The following TJP3 variants were observed in gnomAD, a reference collection of about 807,000 sequenced individuals.
TJP3 encodes the protein tight junction protein ZO-3.
TJP3 carries 85 observed loss-of-function variants against 104.2 expected under a neutral mutation model. That is an observed-to-expected ratio of 0.82 (90% CI 0.68 to 0.98). The LOEUF is 0.98. Ranked by LOEUF, TJP3 falls within the 50% of genes least tolerant of loss-of-function variation. The probability of loss-of-function intolerance (pLI) is 0.00; values close to 1 mark genes in which losing one functional copy is unlikely to be tolerated. For synonymous variants in TJP3, 550 were observed against 550.6 expected, an observed-to-expected ratio of 1.00 and a Z score of 0.02; for missense variants, 1,367 against 1,322.8, an observed-to-expected ratio of 1.03 and a Z score of -0.52.
At chr19:3,711,736 CAA>C (rs1450285054) in intron 1 of TJP3, among the ~76,000 whole-genome samples, 1 of 24,648 alleles carries the variant, frequency 4.1e-5, no homozygotes, top group Non-Finnish European at 8.9e-5. Context: ...ACTAAAAGTA[CAA>C]AAAAAAAAAA....
chr19:3,711,228 C>T (rs1174397868), intron 1 of TJP3, among the ~76,000 whole-genome samples: 1 of 58,620 alleles, frequency 1.7e-5, no homozygotes, highest in African/African-American at 5.9e-5. Context: ...GATGGAGTCT[C>T]GCTCTGTTGC....
At chr19:3,708,648 C>T (rs988204504) in intron 1 of TJP3, 87 bp downstream of exon 1, 1 of 152,288 alleles carries the variant, frequency 6.6e-6, no homozygotes, top group African/African-American at 2.4e-5. Flanking sequence ...AGACTCCCCC[C>T]CAACCTCCCC....
intron 6 of TJP3, among the ~76,000 whole-genome samples, chr19:3,732,756 CG>C (rs1472211290): frequency 6.6e-6 from 1 of 151,512 alleles, no homozygotes; most frequent in Admixed American, 6.6e-5. Flanking sequence ...TGATCCCCCC[CG>C]CTCGGCCTCC....
intron 1 of TJP3, 69 bp from the exon 2 acceptor site, chr19:3,728,355 T>C: frequency 6.2e-7 from 1 of 1,612,836 alleles, no homozygotes; most frequent in Non-Finnish European, 8.5e-7. Flanking sequence ...CACCCTGAGC[T>C]GGGGACCCCC....
At chr19:3,724,362 A>AT (rs1480985645) in intron 1 of TJP3, among the ~76,000 whole-genome samples, 1 of 151,824 alleles carries the variant, frequency 6.6e-6, no homozygotes, top group Non-Finnish European at 1.5e-5. Context: ...CGCCCTGCTA[A>AT]TTTTTTGTAT....
intron 15 of TJP3, among the ~76,000 whole-genome samples, chr19:3,744,536 T>C (rs553814801): frequency 3.9e-5 from 6 of 151,972 alleles, no homozygotes; most frequent in African/African-American, 1.4e-4. Context: ...TGGTGGCGCG[T>C]ACCTGTAGTC....
At chr19:3,734,786 C>G (rs2036717674) in intron 8 of TJP3, among the ~76,000 whole-genome samples, 1 of 152,128 alleles carries the variant, frequency 6.6e-6, no homozygotes, top group Admixed American at 6.5e-5. Context: ...GAAACCCTGT[C>G]TCTACTAAGA....
At chr19:3,721,982 G>C (rs1439788382) in intron 1 of TJP3, 3 of 924,798 alleles carry the variant, frequency 3.2e-6, no homozygotes, top group Admixed American at 8.6e-5. Flanking sequence ...GCAGGGTTTG[G>C]GAGTCGGACC....
At chr19:3,725,983 C>T (rs539776923) in intron 1 of TJP3, among the ~76,000 whole-genome samples, 2 of 152,338 alleles carry the variant, frequency 1.3e-5, no homozygotes, top group East Asian at 1.9e-4. Flanking sequence ...TTTCTCTCCC[C>T]TCCACCCGCC....
chr19:3,721,249 G>A lies in TJP3; in HGVS notation c.-9-7175G>A, dbSNP rs1020643824. 5.3e-5 allele frequency among the ~76,000 whole-genome samples: 8 copies of A among 152,084 alleles called. No individual in the cohort carries two copies. In the East Asian group the frequency reaches 1.2e-3, roughly 22 times the overall value. The stretch of plus-strand genomic sequence containing the variant: ...GATGCTGGGTGTGAAGACAGAGCCC[G>A]CAGGCCAAGACCGCAGGAAAAAGGC... On this transcript the variant is annotated intron_variant, in intron 1 of 20. Transcript: ENST00000541714.
At position 3,708,891 on chromosome 19, in the gene TJP3, G is replaced by A. The variant is rs1313854795; in HGVS notation, c.-10+330G>A. 7.2e-5 allele frequency among the ~76,000 whole-genome samples: 11 copies of A among 152,282 alleles called. No individual in the cohort carries two copies. The South Asian group carries it at 2.3e-3, about 32-fold the overall frequency. ...TGATCCCCCTAACTGAGGAGGGGAG[G>A]GGATATCAGTCCAGACGGAGCCTGG... On this transcript the variant is annotated intron_variant, in intron 1 of 20. Transcript: ENST00000541714.
chr19:3,713,586 G>A (rs2036451663), intron 1 of TJP3, among the ~76,000 whole-genome samples: 1 of 152,190 alleles, frequency 6.6e-6, no homozygotes, highest in Admixed American at 6.5e-5. Context: ...AGGTTGTACT[G>A]ATGTTGACTT....
At chr19:3,749,073 C>T (rs908942041) in intron 19 of TJP3, among the ~76,000 whole-genome samples, 6 of 149,234 alleles carry the variant, frequency 4.0e-5, no homozygotes, top group Admixed American at 1.3e-4. Flanking sequence ...GGTTTCACCA[C>T]GCTGGCCAGG....
chr19:3,740,896 T>TG, intron 14 of TJP3, 133 bp downstream of exon 14: 1 of 813,242 alleles, frequency 1.2e-6, no homozygotes, highest in Non-Finnish European at 1.7e-6. Flanking sequence ...ATCCCAACAC[T>TG]TTGGGAGGCC....
intron 14 of TJP3, 147 bp downstream of exon 14, chr19:3,740,910 G>T: frequency 1.4e-6 from 1 of 703,174 alleles, no homozygotes; most frequent in East Asian, 3.3e-5. Flanking sequence ...GGAGGCCGAG[G>T]TAGGAGGATC....
At chr19:3,711,380 G>A (rs2036432556) in intron 1 of TJP3, among the ~76,000 whole-genome samples, 2 of 137,298 alleles carry the variant, frequency 1.5e-5, no homozygotes, top group South Asian at 2.7e-4. Flanking sequence ...TGTATTTTTA[G>A]TAGAGACAGG....
chr19:3,713,296 G>T (rs981906564), intron 1 of TJP3, among the ~76,000 whole-genome samples: 1 of 152,118 alleles, frequency 6.6e-6, no homozygotes, highest in Admixed American at 6.6e-5. Context: ...CTCTCCACAC[G>T]GCTTCCTTAA....
intron 12 of TJP3, 113 bp downstream of exon 12, chr19:3,738,776 C>A: frequency 7.6e-7 from 1 of 1,320,430 alleles, no homozygotes; most frequent in Non-Finnish European, 1.1e-6. Context: ...CACCCTCCAT[C>A]CCTCTCCCTG....
At chr19:3,715,710 T>C (rs1415389301) in intron 1 of TJP3, among the ~76,000 whole-genome samples, 1 of 152,168 alleles carries the variant, frequency 6.6e-6, no homozygotes, top group African/African-American at 2.4e-5. Flanking sequence ...GCAGGGTGCT[T>C]AGCAGTATCC....
Sources: gnomAD v4.1 joint callset for allele counts (sites outside exome capture counted in the v4.1 genomes callset) on GRCh38, gnomAD v4.1.1 for gene constraint, MANE v1.5 for transcripts, NCBI Gene and HGNC (gene_info 2026-07-23, HGNC 2026-07-21) for gene names.